EXOC6: variants seen among roughly 807,000 people sequenced by gnomAD.
The protein encoded by EXOC6 is SEC15-like 1.
In EXOC6, 60 loss-of-function variants were observed where a neutral mutation model predicts 112.5. The observed-to-expected ratio is 0.53, with a 90% CI of 0.43 to 0.66. The LOEUF (loss-of-function observed/expected upper bound fraction) is 0.66, where lower values mean the gene tolerates loss of function less well. EXOC6 is among the 30% of genes least tolerant of loss of function. EXOC6 has a pLI of 0.00. For synonymous variants in EXOC6, 295 were observed against 308.0 expected (o/e 0.96, Z 0.44); for missense variants, 855 against 957.1 (o/e 0.89, Z 1.41).
chr10:93,018,532 A>G (rs1844644479), intron 20 of EXOC6, among the ~76,000 whole-genome samples: 1 of 152,094 alleles, frequency 6.6e-6, no homozygotes, highest in Non-Finnish European at 1.5e-5. Flanking sequence ...CCCTTACCAA[A>G]ATATGATTGC....
Position 92,920,019 on chromosome 10 carries a change from T to C in EXOC6, c.857T>C (p.Val286Ala). 2 of 1,606,866 alleles carry C rather than the reference T, an allele frequency of 1.2e-6. No homozygotes were observed. Among genetic ancestry groups the C allele is most frequent in the Non-Finnish European group, 1.7e-6 (2 of 1,175,886 alleles). The change falls in exon 8 of 22, where the codon GTT (valine) becomes GCT (alanine). Residue 286 changes from valine to alanine, a missense_variant. Transcript: ENST00000260762. ...CAGGATCTTGTTGATTTTTCCCCTG[T>C]TTATCGATGTTTGCACATTTATTCT... ...TVQDLVDFSP[V>A]YRCLHIYSVL...
At chr10:92,854,012 A>C (rs1847477621) in intron 1 of EXOC6, among the ~76,000 whole-genome samples, 1 of 151,244 alleles carries the variant, frequency 6.6e-6, no homozygotes, top group Non-Finnish European at 1.5e-5. Context: ...TGTCTCAAAA[A>C]AAAAAAAAAA....
At chr10:93,005,451 AT>A (rs1446339662) in intron 19 of EXOC6, among the ~76,000 whole-genome samples, 2 of 152,150 alleles carry the variant, frequency 1.3e-5, no homozygotes, top group African/African-American at 4.8e-5. Context: ...TTTGTTTTAT[AT>A]TTATTAAATA....
chr10:92,999,777 C>T (rs1196148356), intron 19 of EXOC6, among the ~76,000 whole-genome samples: 3 of 150,472 alleles, frequency 2.0e-5, no homozygotes, highest in African/African-American at 7.4e-5. Context: ...AATCTTGGCT[C>T]ACTGCACCTC....
At chr10:92,962,719 A>T (rs1854079102) in intron 17 of EXOC6, among the ~76,000 whole-genome samples, 1 of 152,104 alleles carries the variant, frequency 6.6e-6, no homozygotes, top group Admixed American at 6.6e-5. Flanking sequence ...GTACTGTGCT[A>T]ATTGCTGAGG....
intron 5 of EXOC6, among the ~76,000 whole-genome samples, chr10:92,905,916 G>A (rs995527276): frequency 6.6e-6 from 1 of 152,094 alleles, no homozygotes; most frequent in Non-Finnish European, 1.5e-5. Context: ...TGCTGAACCT[G>A]TCAATTATTG....
chr10:92,865,141 G>C (rs1425597659), intron 1 of EXOC6, among the ~76,000 whole-genome samples: 1 of 152,102 alleles, frequency 6.6e-6, no homozygotes, highest in Non-Finnish European at 1.5e-5. Flanking sequence ...TCAGTTTTAA[G>C]AGAACAAAAA....
rs116229549 is a variant in EXOC6, at chr10:92,872,107, A to T, written c.102-21242A>T. Among the ~76,000 whole-genome samples, 437 of 151,788 alleles carry T rather than the reference A, an allele frequency of 2.9e-3. 2 individuals are homozygous for T. Among genetic ancestry groups the T allele is most frequent in the African/African-American group, 0.01 (419 of 41,430 alleles). On this transcript the variant is annotated intron_variant, in intron 1 of 21. Coordinates refer to ENST00000260762, the MANE Select transcript of EXOC6 (RefSeq NM_019053.6). ...CTTTTCCTAGCTTTTTGCATTTTGT[A>T]CGTAATTCATTTATTGACGTTATTA...
intron 1 of EXOC6, among the ~76,000 whole-genome samples, chr10:92,854,545 A>T (rs1418814194): frequency 6.6e-6 from 1 of 151,986 alleles, no homozygotes; most frequent in Non-Finnish European, 1.5e-5. Context: ...CAGGTTGAGG[A>T]GTTCTCTTAG....
intron 20 of EXOC6, among the ~76,000 whole-genome samples, chr10:93,044,782 C>T (rs117465988): frequency 6.6e-6 from 1 of 152,060 alleles, no homozygotes; most frequent in South Asian, 2.1e-4. Flanking sequence ...TGGTTTCTTT[C>T]GGTTATCCTG....
intron 1 of EXOC6, among the ~76,000 whole-genome samples, chr10:92,882,017 G>A (rs1040638763): frequency 3.9e-5 from 6 of 152,116 alleles, no homozygotes; most frequent in Non-Finnish European, 7.3e-5. Flanking sequence ...TCTCGAGTAC[G>A]TCTTTATTAG....
intron 20 of EXOC6, among the ~76,000 whole-genome samples, chr10:93,017,764 C>T (rs1844598701): frequency 6.6e-6 from 1 of 151,578 alleles, no homozygotes; most frequent in South Asian, 2.1e-4. Flanking sequence ...GTAATCCCAG[C>T]ACTTTGGGAG....
intron 1 of EXOC6, among the ~76,000 whole-genome samples, chr10:92,854,529 G>A (rs1847506799): frequency 6.6e-6 from 1 of 152,088 alleles, no homozygotes; most frequent in Non-Finnish European, 1.5e-5. Context: ...CATAAATGCT[G>A]TTTATCAGGT....
At chr10:92,871,789 CAG>C (rs972515997) in intron 1 of EXOC6, among the ~76,000 whole-genome samples, 6 of 151,996 alleles carry the variant, frequency 3.9e-5, no homozygotes, top group Non-Finnish European at 1.5e-5. Flanking sequence ...GCCTGGGTGA[CAG>C]AGTGAGATTC....
chr10:93,020,520 G>T (rs750740808), intron 20 of EXOC6, among the ~76,000 whole-genome samples: 3 of 152,076 alleles, frequency 2.0e-5, no homozygotes, highest in Non-Finnish European at 2.9e-5. Flanking sequence ...TGTTTCTGTA[G>T]AGATGCCTCT....
intron 19 of EXOC6, among the ~76,000 whole-genome samples, chr10:93,012,459 AC>A (rs2134230171): frequency 6.6e-6 from 1 of 152,360 alleles, no homozygotes; most frequent in South Asian, 2.1e-4. Context: ...CCAGAGAATT[AC>A]GATACATTTT....
intron 18 of EXOC6, among the ~76,000 whole-genome samples, chr10:92,988,313 A>T (rs925733625): frequency 6.6e-6 from 1 of 152,218 alleles, no homozygotes; most frequent in Non-Finnish European, 1.5e-5. Flanking sequence ...ACAGAATAAG[A>T]ACTAACAAGT....
In EXOC6 at chr10:92,893,354, T is replaced by A; in HGVS notation, c.107T>A (p.Val36Glu). Residue 36 changes from valine (V) to glutamate (E), a missense_variant, in exon 2 of 22, where the codon GTG becomes GAG. Physicochemically the swap from Val to Glu is moderately radical, Grantham distance 121. Transcript: ENST00000260762. The part of the protein sequence containing the change: ...TACVGPTLRS[V>E]YDDQPNAHKK... The stretch of plus-strand genomic sequence containing the variant: ...GCTTTCTTATATACATTCAGGTCTG[T>A]GTATGATGACCAACCAAATGCGCAC... 3 of 1,609,802 alleles carry A rather than the reference T, an allele frequency of 1.9e-6. No homozygotes were observed. The highest frequency in any genetic ancestry group is 2.5e-6 in the Non-Finnish European group (3 of 1,177,806).
Position 92,973,326 on chromosome 10 carries a change from G to A in EXOC6, c.1774-727G>A, listed in dbSNP as rs145208451. ...GAGAGTACTGTAGAGCTGGAACAGA[G>A]GAAGAATAATGGAAATAGGGCACAT... On this transcript the variant is annotated intron_variant, in intron 17 of 21. Coordinates refer to ENST00000260762, the MANE Select transcript of EXOC6 (RefSeq NM_019053.6). Among the ~76,000 whole-genome samples, 849 of 152,254 alleles carry A rather than the reference G, an allele frequency of 5.6e-3. 5 individuals carry two copies. Among genetic ancestry groups the A allele is most frequent in the African/African-American group, 0.017 (702 of 41,540 alleles).
Sources: gnomAD v4.1 joint callset for allele counts (sites outside exome capture counted in the v4.1 genomes callset) on GRCh38, gnomAD v4.1.1 for gene constraint, MANE v1.5 for transcripts, NCBI Gene and HGNC (gene_info 2026-07-23, HGNC 2026-07-21) for gene names.